PDE4D: variants seen among roughly 807,000 people sequenced by gnomAD.
The protein encoded by PDE4D is phosphodiesterase 4D, also known as 3',5'-cyclic-AMP phosphodiesterase 4D.
In PDE4D, 24 loss-of-function variants were observed where a neutral mutation model predicts 87.4. That is an observed-to-expected ratio of 0.27 (90% CI 0.20 to 0.39). The LOEUF is 0.39. Among genes scored for constraint, PDE4D ranks in the 10% least tolerant of loss-of-function variants. The pLI, the probability that PDE4D is intolerant of heterozygous loss-of-function variation, is 1.00. For missense variants in PDE4D, 714 were observed against 1,041.0 expected (o/e 0.69, Z 4.32); for synonymous variants, 384 against 383.2 (o/e 1.00, Z -0.02).
At chr5:60,332,180 A>T (rs6449465) in intron 1 of PDE4D, among the ~76,000 whole-genome samples, 38,821 of 151,884 alleles carry the variant, frequency 0.26, 5,378 homozygotes, top group East Asian at 0.47. Context: ...AATTTTTTTT[A>T]AAATTTAAAT....
At chr5:59,966,721 T>C (rs1760097815) in intron 3 of PDE4D, among the ~76,000 whole-genome samples, 1 of 152,318 alleles carries the variant, frequency 6.6e-6, no homozygotes, top group Admixed American at 6.5e-5. Context: ...AAAGTCAATT[T>C]TCTAAAAATC....
chr5:59,483,436 A>T (rs1173088212), intron 1 of PDE4D, among the ~76,000 whole-genome samples: 1 of 152,152 alleles, frequency 6.6e-6, no homozygotes, highest in African/African-American at 2.4e-5. Context: ...AATAATTTTC[A>T]TAGCCTTTAA....
At chr5:59,666,933 T>C (rs1746167792) in intron 1 of PDE4D, among the ~76,000 whole-genome samples, 2 of 152,168 alleles carry the variant, frequency 1.3e-5, no homozygotes, top group Non-Finnish European at 1.5e-5. Context: ...GCACCCTCTT[T>C]CTGATTACAG....
At chr5:59,306,340 T>C (rs1393153618) in intron 1 of PDE4D, among the ~76,000 whole-genome samples, 2 of 152,202 alleles carry the variant, frequency 1.3e-5, no homozygotes, top group African/African-American at 4.8e-5. Context: ...TTCTTATCCA[T>C]TCTGCAGTTC....
intron 1 of PDE4D, among the ~76,000 whole-genome samples, chr5:59,646,908 G>A (rs2150218212): frequency 6.6e-6 from 1 of 152,218 alleles, no homozygotes; most frequent in South Asian, 2.1e-4. Flanking sequence ...GGTGGCACGA[G>A]CCTGTAGTCC....
intron 1 of PDE4D, among the ~76,000 whole-genome samples, chr5:59,528,056 G>A (rs1467276724): frequency 2.0e-5 from 3 of 152,146 alleles, no homozygotes. Flanking sequence ...TTAAAGGTAA[G>A]CAAAATTCTT....
At chr5:59,463,776 A>G (rs1801122795) in intron 1 of PDE4D, among the ~76,000 whole-genome samples, 1 of 152,184 alleles carries the variant, frequency 6.6e-6, no homozygotes, top group Non-Finnish European at 1.5e-5. Context: ...GAATATTAAA[A>G]GATCTCGGGT....
chr5:59,317,726 G>A (rs1384980909), intron 1 of PDE4D, among the ~76,000 whole-genome samples: 1 of 152,134 alleles, frequency 6.6e-6, no homozygotes, highest in East Asian at 1.9e-4. Flanking sequence ...GGCAGGAGAT[G>A]CCTTGTTCAT....
chr5:59,695,292 C>T (rs1037342637), intron 1 of PDE4D, among the ~76,000 whole-genome samples: 2 of 151,942 alleles, frequency 1.3e-5, no homozygotes, highest in Admixed American at 1.3e-4. Flanking sequence ...TTTACAAGGG[C>T]CCCTTCTTTA....
chr5:60,432,595 A>C (rs916928556), intron 1 of PDE4D, among the ~76,000 whole-genome samples: 7 of 152,244 alleles, frequency 4.6e-5, no homozygotes, highest in African/African-American at 1.7e-4. Context: ...ATTCATATGC[A>C]ACCCAAAAAG....
At chr5:59,881,088 T>A (rs13162211) in intron 1 of PDE4D, among the ~76,000 whole-genome samples, 8,525 of 152,206 alleles carry the variant, frequency 0.056, 314 homozygotes, top group African/African-American at 0.1. Flanking sequence ...AATGTTAAGG[T>A]TAGTAGACCA....
rs570322527 is a variant in PDE4D at position 59,690,068 on chromosome 5, G to A, written c.455+203100C>T. The stretch of plus-strand genomic sequence containing the variant: ...AACCACTGCTCAATGAAATAAAAGA[G>A]GACACAAACAAATGGAAGAACATTC... On this transcript the variant is annotated intron_variant, in intron 1 of 14. Coordinates refer to ENST00000340635, the MANE Select transcript of PDE4D (RefSeq NM_001104631.2). 1.4e-4 allele frequency among the ~76,000 whole-genome samples: 22 copies of A among 152,126 alleles called. No individual in the cohort carries two copies. In the South Asian group the frequency reaches 4.1e-3, roughly 29 times the overall value.
intron 1 of PDE4D, among the ~76,000 whole-genome samples, chr5:60,472,563 C>CTGTAA (rs1287656396): frequency 6.6e-6 from 1 of 152,116 alleles, no homozygotes; most frequent in Non-Finnish European, 1.5e-5. Flanking sequence ...ACCTCATTAC[C>CTGTAA]AGCTTTACTC....
At chr5:60,009,533 A>T (rs1764811282) in intron 2 of PDE4D, among the ~76,000 whole-genome samples, 1 of 152,000 alleles carries the variant, frequency 6.6e-6, no homozygotes, top group Non-Finnish European at 1.5e-5. Context: ...TGAGCTATAT[A>T]GAATGTTAGC....
intron 2 of PDE4D, among the ~76,000 whole-genome samples, chr5:60,001,184 A>C (rs1478438635): frequency 6.6e-6 from 1 of 152,136 alleles, no homozygotes; most frequent in Non-Finnish European, 1.5e-5. Context: ...AGAAACCCAG[A>C]GGGAACCACG....
chr5:59,519,027 G>A (rs1811702423), intron 1 of PDE4D, among the ~76,000 whole-genome samples: 2 of 152,130 alleles, frequency 1.3e-5, no homozygotes, highest in Admixed American at 1.3e-4. Context: ...ACTTAGTAAA[G>A]CCAACATGAG....
At chr5:59,265,909 C>T (rs969394206) in intron 1 of PDE4D, among the ~76,000 whole-genome samples, 3 of 152,038 alleles carry the variant, frequency 2.0e-5, no homozygotes, top group Middle Eastern at 3.4e-3. Context: ...CAGATGAAGA[C>T]TATATTGAGA....
chr5:59,622,431 T>A (rs1005298921), intron 1 of PDE4D, among the ~76,000 whole-genome samples: 1 of 152,212 alleles, frequency 6.6e-6, no homozygotes, highest in African/African-American at 2.4e-5. Context: ...AGCTGACTTT[T>A]TGATGAGACT....
chr5:59,029,163 A>G (rs1454058774), intron 6 of PDE4D, among the ~76,000 whole-genome samples: 1 of 151,948 alleles, frequency 6.6e-6, no homozygotes, highest in African/African-American at 2.4e-5. Context: ...CTGTAATCCC[A>G]GCACTTTGGG....
Sources: gnomAD v4.1 joint callset for allele counts (sites outside exome capture counted in the v4.1 genomes callset) on GRCh38, gnomAD v4.1.1 for gene constraint, MANE v1.5 for transcripts, NCBI Gene and HGNC (gene_info 2026-07-23, HGNC 2026-07-21) for gene names.